Variants in SLC25A17 observed in about 807,000 individuals in gnomAD.
The protein encoded by SLC25A17 is solute carrier family 25 member 17, also known as peroxisomal membrane protein PMP34.
SLC25A17 carries 26 observed loss-of-function variants against 38.5 expected under a neutral mutation model. The ratio of observed to expected loss-of-function variants is 0.68; its 90% CI spans 0.50 to 0.94. The LOEUF is 0.94. Among genes scored for constraint, SLC25A17 ranks in the 40% least tolerant of loss-of-function variants. SLC25A17 has a pLI of 0.00. For synonymous variants in SLC25A17, 139 were observed against 136.2 expected (o/e 1.02, Z -0.14); for missense variants, 333 against 372.7 (o/e 0.89, Z 0.88).
At chr22:40,774,714 TTA>T (rs1468958297) in intron 7 of SLC25A17, among the ~76,000 whole-genome samples, 3 of 152,222 alleles carry the variant, frequency 2.0e-5, no homozygotes, top group South Asian at 2.1e-4. Flanking sequence ...GCTCTTCAGA[TTA>T]TGTGTTTACA....
At chr22:40,812,293 T>A (rs1327770213) in intron 1 of SLC25A17, among the ~76,000 whole-genome samples, 1 of 152,192 alleles carries the variant, frequency 6.6e-6, no homozygotes, top group Non-Finnish European at 1.5e-5. Context: ...ATCTCTCCTG[T>A]AAATATCTAA....
rs774499982 is a variant in SLC25A17, at chr22:40,774,012, C to T, written c.701G>A (p.Arg234His). ...TCTGTTTTCTGGGTTTAGTCTATGA[C>T]GCCCAAACTGAGGAAAGAGGGAAAA... Reference protein sequence around the residue: ...QTVQSILRFGRHRLNPENRTL... With the variant: ...QTVQSILRFGHHRLNPENRTL... The change falls in exon 8 of 9, where the codon CGT (arginine) becomes CAT (histidine). Residue 234 changes from arginine to histidine, a missense_variant. Arg to His is a conservative substitution (Grantham distance 29). Coordinates refer to ENST00000435456, the MANE Select transcript of SLC25A17 (RefSeq NM_006358.4). 30 of 1,608,592 alleles carry T rather than the reference C, an allele frequency of 1.9e-5. No individual in the cohort carries two copies. Among genetic ancestry groups the T allele is most frequent in the Middle Eastern group, 1.6e-4 (1 of 6,074 alleles).
intron 1 of SLC25A17, 144 bp from the exon 2 acceptor site, chr22:40,799,227 C>A: frequency 1.7e-6 from 1 of 600,128 alleles, no homozygotes; most frequent in Non-Finnish European, 3.0e-6. Context: ...CTCAAGTGAT[C>A]CTCCCACCTC....
chr22:40,787,874 A>C (rs1331251667), intron 4 of SLC25A17, among the ~76,000 whole-genome samples: 6 of 152,200 alleles, frequency 3.9e-5, no homozygotes, highest in African/African-American at 4.8e-5. Flanking sequence ...TTTTACAAAC[A>C]TCTTTGTAGG....
chr22:40,803,456 G>A (rs967451939), intron 1 of SLC25A17, among the ~76,000 whole-genome samples: 1 of 152,102 alleles, frequency 6.6e-6, no homozygotes, highest in African/African-American at 2.4e-5. Flanking sequence ...TTATTGTCCA[G>A]GTTCATCCAT....
At chr22:40,779,240 G>A in intron 4 of SLC25A17, 115 bp from the exon 5 acceptor site, 1 of 1,556,750 alleles carries the variant, frequency 6.4e-7, no homozygotes, top group South Asian at 1.2e-5. Flanking sequence ...GACCTCTTAG[G>A]AGACCTAAGG....
chr22:40,792,283 T>C (rs1056938690), intron 4 of SLC25A17, among the ~76,000 whole-genome samples: 2 of 152,114 alleles, frequency 1.3e-5, no homozygotes, highest in African/African-American at 4.8e-5. Flanking sequence ...GTCTGCAATA[T>C]GCAAAAGTAC....
At chr22:40,803,507 A>T (rs2057502147) in intron 1 of SLC25A17, among the ~76,000 whole-genome samples, 1 of 152,196 alleles carries the variant, frequency 6.6e-6, no homozygotes, top group African/African-American at 2.4e-5. Context: ...TTTACAGCTG[A>T]ATAAAATTCC....
chr22:40,804,137 C>T (rs761055119), intron 1 of SLC25A17, among the ~76,000 whole-genome samples: 10 of 152,220 alleles, frequency 6.6e-5, no homozygotes, highest in Middle Eastern at 3.4e-3. Context: ...AATCCCAATT[C>T]GGGCTTCAAA....
In SLC25A17 at chr22:40,789,163, G is replaced by A. The variant is rs2057363256; in HGVS notation, c.334+3362C>T. Reference sequence around the variant, plus strand: ...ATCTACCACTTGCTCAGGAAAATTAGCTGTGGGGGATGCCCAGCTGCTTGT... The same window carrying A: ...ATCTACCACTTGCTCAGGAAAATTAACTGTGGGGGATGCCCAGCTGCTTGT... On this transcript the variant is annotated intron_variant, in intron 4 of 8. Coordinates refer to ENST00000435456, the MANE Select transcript of SLC25A17 (RefSeq NM_006358.4). This position sits in a 1 kb window ranked among gnomAD's most constrained non-coding sequence, Gnocchi z 4.5. 1 of 258,634 alleles carries A rather than the reference G, an allele frequency of 3.9e-6. No homozygotes were observed. Among genetic ancestry groups the A allele is most frequent in the African/African-American group, 2.3e-5 (1 of 43,588 alleles). The allele number at this position is 258,634 out of a possible 1,614,324, so 16.0% of individuals were successfully genotyped here. A position where few individuals can be genotyped will look rare whatever the true frequency, so the allele number is the denominator to read the frequency against.
At position 40,771,071 on chromosome 22, in the gene SLC25A17, T is replaced by C. The variant is rs1020543425; in HGVS notation, c.777-90A>G. ...TAGCTACTTTGATAAGAACAAGCAA[T>C]AGAGGTTTTAGATTTCAACACAGAC... On this transcript the variant is annotated intron_variant, in intron 8 of 8. Coordinates refer to ENST00000435456, the MANE Select transcript of SLC25A17 (RefSeq NM_006358.4). 11 of 1,113,562 alleles carry C rather than the reference T, an allele frequency of 9.9e-6. No individual in the cohort carries two copies. The Admixed American group carries it at 2.1e-4, about 21-fold the overall frequency. 69.0% of individuals were successfully genotyped at this position (1,113,562 alleles called of 1,614,324 possible). A position where few individuals can be genotyped will look rare whatever the true frequency, so the allele number is the denominator to read the frequency against.
chr22:40,771,250 G>A (rs903856171), intron 8 of SLC25A17, among the ~76,000 whole-genome samples: 2 of 152,142 alleles, frequency 1.3e-5, no homozygotes, highest in South Asian at 4.1e-4. Flanking sequence ...TGGGACTAGA[G>A]GCACCCGCCA....
At position 40,800,882 on chromosome 22, in the gene SLC25A17, T is replaced by A. The variant is rs570391530; in HGVS notation, c.55-1799A>T. On this transcript the variant is annotated intron_variant, in intron 1 of 8. Coordinates refer to ENST00000435456, the MANE Select transcript of SLC25A17 (RefSeq NM_006358.4). ...ACTCTGGGAGGCCAAGGTGGGCAGA[T>A]CATGAGGTCAGGAGTTTGATACCAC... is the stretch of plus-strand genomic sequence containing the variant. 5.9e-5 allele frequency among the ~76,000 whole-genome samples: 9 copies of A among 151,404 alleles called. No individual in the cohort carries two copies. In the South Asian group the frequency reaches 1.9e-3, roughly 32 times the overall value.
At chr22:40,798,996 A>T in intron 2 of SLC25A17, 27 bp downstream of exon 2, 1 of 1,515,288 alleles carries the variant, frequency 6.6e-7, no homozygotes, top group South Asian at 1.1e-5. Flanking sequence ...CTGACACCAT[A>T]CAAATAGGAG....
rs1257292506 is a variant in SLC25A17 at position 40,819,181 on chromosome 22, A to G, written c.54+14T>C. On this transcript the variant is annotated intron_variant, in intron 1 of 8. Transcript: ENST00000435456. ...ATAACCCGTTGCGGCCCGGGCGTAAAGACCCCGTCTCACCACGGCTCCGGC... is the reference window on the plus strand; with the variant it reads ...ATAACCCGTTGCGGCCCGGGCGTAAGGACCCCGTCTCACCACGGCTCCGGC... 1 of 1,613,358 alleles carries G rather than the reference A, an allele frequency of 6.2e-7. No homozygotes were observed. Among genetic ancestry groups the G allele is most frequent in the Admixed American group, 1.7e-5 (1 of 59,994 alleles).
chr22:40,817,293 A>G (rs1411459274), intron 1 of SLC25A17: 1 of 152,364 alleles, frequency 6.6e-6, no homozygotes, highest in Non-Finnish European at 1.5e-5. Flanking sequence ...CTTAGTTCTT[A>G]GCTTCCCTCC....
intron 1 of SLC25A17, among the ~76,000 whole-genome samples, chr22:40,814,754 AATATATATATATATATATATAT>A (rs10527651): frequency 5.2e-5 from 7 of 135,180 alleles, no homozygotes; most frequent in Non-Finnish European, 1.6e-5. Flanking sequence ...GTACGTGCAG[AATATATATATATATATATATAT>A]ATATATATAT....
chr22:40,788,771 T>C, intron 4 of SLC25A17: 1 of 246,498 alleles, frequency 4.1e-6, no homozygotes, highest in Non-Finnish European at 8.6e-6. Context: ...ATAATATGAT[T>C]TTTCATCAGT....
chr22:40,776,707 G>A (rs2057246894), intron 7 of SLC25A17, among the ~76,000 whole-genome samples: 1 of 152,148 alleles, frequency 6.6e-6, no homozygotes, highest in African/African-American at 2.4e-5. Context: ...GACAAGCCTG[G>A]AAAACATGGT....
Sources: allele counts gnomAD v4.1 joint callset (sites outside exome capture counted in the v4.1 genomes callset), GRCh38; gene constraint gnomAD v4.1.1; non-coding constraint Gnocchi (gnomAD v3.1); transcripts MANE v1.5; gene names NCBI Gene and HGNC (gene_info 2026-07-23, HGNC 2026-07-21).